The following ZFC3H1 variants were observed in gnomAD, a reference collection of about 807,000 sequenced individuals.
ZFC3H1 encodes zinc finger C3H1 domain-containing protein.
In ZFC3H1, 71 loss-of-function variants were observed where a neutral mutation model predicts 243.7. That is an observed-to-expected ratio of 0.29 (90% CI 0.24 to 0.36). The LOEUF is 0.36. Ranked by LOEUF, ZFC3H1 falls within the 10% of genes least tolerant of loss-of-function variation. ZFC3H1 has a pLI of 1.00. For synonymous variants in ZFC3H1, 838 were observed against 813.0 expected, an observed-to-expected ratio of 1.03 and a Z score of -0.52; for missense variants, 1,966 against 2,317.1, an observed-to-expected ratio of 0.85 and a Z score of 3.11.
At chr12:71,640,724 T>G (rs898103104) in intron 6 of ZFC3H1, among the ~76,000 whole-genome samples, 1 of 152,204 alleles carries the variant, frequency 6.6e-6, no homozygotes, top group Admixed American at 6.5e-5. Context: ...GACCACCCCA[T>G]CATTTTAGTA....
chr12:71,616,297 A>G (rs975709393), intron 27 of ZFC3H1, among the ~76,000 whole-genome samples: 1 of 151,506 alleles, frequency 6.6e-6, no homozygotes, highest in Non-Finnish European at 1.5e-5. Flanking sequence ...ACCCTTTCTT[A>G]AAAAAAAAGA....
At chr12:71,616,122 C>A (rs1351692891) in intron 27 of ZFC3H1, among the ~76,000 whole-genome samples, 1 of 151,972 alleles carries the variant, frequency 6.6e-6, no homozygotes, top group Non-Finnish European at 1.5e-5. Flanking sequence ...GGTGAAACCC[C>A]AAGATCTCTA....
chr12:71,633,144 C>A, intron 13 of ZFC3H1, 120 bp downstream of exon 13: 2 of 1,392,950 alleles, frequency 1.4e-6, no homozygotes, highest in South Asian at 3.0e-5. Context: ...TATTTCTCAA[C>A]AAGAAACTAT....
chr12:71,644,280 T>C lies in ZFC3H1; in HGVS notation c.1318A>G (p.Lys440Glu). ...TGCTCTTTTTGTTGTTGTAGTTTCT[T>C]CCATGCCTTTGTTTGCTGCTTCCTC... Reference protein sequence around the residue: ...ALRKQQTKAWKKLQQQKEQER... With the variant: ...ALRKQQTKAWEKLQQQKEQER... The change falls in exon 5 of 35, where the codon AAG becomes GAG. Residue 440 changes from lysine (K) to glutamate (E), a missense_variant. Lys to Glu is a moderately conservative substitution (Grantham distance 56). Coordinates refer to ENST00000378743, the MANE Select transcript of ZFC3H1 (RefSeq NM_144982.5). 6.2e-7 allele frequency: 1 copy of C among 1,613,490 alleles called. No individual in the cohort carries two copies. The highest frequency in any genetic ancestry group is 1.1e-5 in the South Asian group (1 of 90,970).
At chr12:71,650,670 T>G (rs1880861556) in intron 2 of ZFC3H1, among the ~76,000 whole-genome samples, 1 of 152,154 alleles carries the variant, frequency 6.6e-6, no homozygotes, top group African/African-American at 2.4e-5. Flanking sequence ...GAAAGTTATT[T>G]TTAAAATCCA....
chr12:71,646,728 A>T (rs781550292), intron 3 of ZFC3H1, among the ~76,000 whole-genome samples: 9 of 152,196 alleles, frequency 5.9e-5, no homozygotes, highest in Admixed American at 1.3e-4. Context: ...CTGGGATTAC[A>T]GGCATAAGCC....
chr12:71,622,090 A>T (rs1880045302), intron 24 of ZFC3H1, among the ~76,000 whole-genome samples: 1 of 152,232 alleles, frequency 6.6e-6, no homozygotes, highest in Non-Finnish European at 1.5e-5. Context: ...GATAAGACCT[A>T]TCCCTTTTCC....
chr12:71,656,314 G>A (rs749408242), intron 2 of ZFC3H1: 1 of 383,486 alleles, frequency 2.6e-6, no homozygotes, highest in Non-Finnish European at 4.6e-6. Context: ...TTAATAAAGA[G>A]GAAAAGAAAA....
intron 2 of ZFC3H1, among the ~76,000 whole-genome samples, chr12:71,648,895 G>T: frequency 6.6e-6 from 1 of 152,000 alleles, no homozygotes; most frequent in Non-Finnish European, 1.5e-5. Flanking sequence ...TTCAAGACCA[G>T]CCTGGGCAAC....
intron 5 of ZFC3H1, 47 bp from the exon 6 acceptor site, chr12:71,642,606 G>T: frequency 6.4e-7 from 1 of 1,564,094 alleles, no homozygotes; most frequent in Non-Finnish European, 8.6e-7. Flanking sequence ...TCTGTCTTGG[G>T]TTACAAATCA....
chr12:71,621,455 C>T (rs948973462), intron 24 of ZFC3H1, among the ~76,000 whole-genome samples: 2 of 152,078 alleles, frequency 1.3e-5, no homozygotes, highest in Non-Finnish European at 2.9e-5. Flanking sequence ...AGGCACACAC[C>T]ACCATGCCCG....
At position 71,631,105 on chromosome 12, in the gene ZFC3H1, G is replaced by T. The variant is rs566296688; in HGVS notation, c.3471-151C>A. On this transcript the variant is annotated intron_variant, in intron 16 of 34. Coordinates refer to ENST00000378743, the MANE Select transcript of ZFC3H1 (RefSeq NM_144982.5). ...ATTAAATTAATGCCAAAATTAATTC[G>T]AGAAAAGACCTAGAATATCAAGGGA... 3.8e-6 allele frequency: 3 copies of T among 787,478 alleles called. No homozygotes were observed. In the African/African-American group the frequency reaches 5.3e-5, roughly 14 times the overall value. 48.8% of individuals were successfully genotyped at this position (787,478 alleles called of 1,614,324 possible).
At chr12:71,631,745 G>C (rs1360161790) in intron 16 of ZFC3H1, 33 bp downstream of exon 16, 1 of 1,518,552 alleles carries the variant, frequency 6.6e-7, no homozygotes, top group Non-Finnish European at 8.9e-7. Context: ...CAGAAATCCT[G>C]AAATTCAAGC....
intron 12 of ZFC3H1, 77 bp from the exon 13 acceptor site, chr12:71,633,515 T>A: frequency 1.6e-6 from 2 of 1,215,416 alleles, no homozygotes; most frequent in South Asian, 3.0e-5. Context: ...ATTTTCAAAG[T>A]AATAACACAA....
At chr12:71,626,191 A>G in intron 22 of ZFC3H1, 69 bp downstream of exon 22, 2 of 1,488,710 alleles carry the variant, frequency 1.3e-6, no homozygotes, top group Non-Finnish European at 1.8e-6. Context: ...TCAATTTTTA[A>G]GATGATCCAA....
chr12:71,629,556 T>TACACACACACACACACACACACAC (rs35067681), intron 19 of ZFC3H1, 53 bp downstream of exon 19: 7 of 691,582 alleles, frequency 1.0e-5, no homozygotes, highest in African/African-American at 1.8e-5. Context: ...AGAGATACAG[T>TACACACACACACACACACACACAC]ACACACACAC....
At chr12:71,638,780 A>G (rs1149008) in intron 6 of ZFC3H1, among the ~76,000 whole-genome samples, 143,681 of 152,038 alleles carry the variant, frequency 0.95, 68,444 homozygotes, top group East Asian at 1. Flanking sequence ...AATGATGAGA[A>G]CAGGGAATAA....
chr12:71,643,605 A>G lies in ZFC3H1; in HGVS notation c.1503+490T>C, dbSNP rs117406982. On this transcript the variant is annotated intron_variant, in intron 5 of 34. Coordinates refer to ENST00000378743, the MANE Select transcript of ZFC3H1 (RefSeq NM_144982.5). ...AGAAGGGAGGGAGAGAGAAAAAGAC[A>G]AGACGACAAGTATATTTATATACAT... is the stretch of plus-strand genomic sequence containing the variant. Among the ~76,000 whole-genome samples the G allele has an allele frequency of 6.0e-4, 91 of 152,256 alleles. 2 individuals are homozygous for G. The East Asian group carries it at 0.017, about 28-fold the overall frequency.
chr12:71,632,012 T>C lies in ZFC3H1; in HGVS notation c.3320A>G (p.Lys1107Arg). 6.2e-7 allele frequency: 1 copy of C among 1,600,958 alleles called. No individual in the cohort carries two copies. The highest frequency in any genetic ancestry group is 8.5e-7 in the Non-Finnish European group (1 of 1,175,706). ...CTTCTCTGTAATGCCTGTGGTGGTT[T>C]TTAAAATCAGCTGTTTTAGGCTGTC... The part of the protein sequence containing the change: ...KADSLKQLIL[K>R]TTTGITEKVL... Residue 1107 changes from lysine to arginine, a missense_variant, in exon 15 of 35, where the codon AAA becomes AGA. This residue lies in a region of ZFC3H1 where 1,383 missense variants were observed against 1,723.7 expected (regional missense o/e 0.80). Coordinates refer to ENST00000378743, the MANE Select transcript of ZFC3H1 (RefSeq NM_144982.5).
Sources: gnomAD v4.1 joint callset for allele counts (sites outside exome capture counted in the v4.1 genomes callset) on GRCh38, gnomAD v4.1.1 for gene constraint, gnomAD v4.1.1 regional missense constraint, MANE v1.5 for transcripts, NCBI Gene and HGNC (gene_info 2026-07-23, HGNC 2026-07-21) for gene names.